CPD: variants seen among roughly 807,000 people sequenced by gnomAD.
CPD encodes the protein metallocarboxypeptidase D.
CPD carries 69 observed loss-of-function variants against 138.3 expected under a neutral mutation model. That is an observed-to-expected ratio of 0.50 (90% CI 0.41 to 0.61). The LOEUF is 0.61. CPD is among the 20% of genes least tolerant of loss of function. CPD has a pLI of 0.00. For synonymous variants in CPD, 651 were observed against 642.1 expected (o/e 1.01, Z -0.21); for missense variants, 1,432 against 1,733.3 (o/e 0.83, Z 3.09).
At chr17:30,402,369 C>T (rs149591511) in intron 2 of CPD, among the ~76,000 whole-genome samples, 52 of 152,218 alleles carry the variant, frequency 3.4e-4, no homozygotes, top group Middle Eastern at 6.8e-3. Flanking sequence ...AGTTTGAGAC[C>T]AGCCTGGCCA....
chr17:30,464,690 A>G lies in CPD; in HGVS notation c.4019A>G (p.His1340Arg), dbSNP rs1246758771. The stretch of plus-strand genomic sequence containing the variant: ...GATGGCTTTCATCGGCTCAGGCAGC[A>G]TCATGATGAGTATGAAGATGAAATT... ...HKDGFHRLRQHHDEYEDEIRM... is the reference protein window; with the variant it reads ...HKDGFHRLRQRHDEYEDEIRM... The change falls in exon 21 of 21, where the codon CAT becomes CGT. Residue 1340 changes from histidine (H) to arginine (R), a missense_variant. Transcript: ENST00000225719. 2.5e-6 allele frequency: 4 copies of G among 1,614,058 alleles called. No individual in the cohort carries two copies. In the East Asian group the frequency reaches 8.9e-5, roughly 36 times the overall value.
chr17:30,401,306 C>CTCTTCCTCTTCCTCCTCT (rs1567868875), intron 2 of CPD, among the ~76,000 whole-genome samples: 1 of 151,138 alleles, frequency 6.6e-6, no homozygotes, highest in Admixed American at 6.6e-5. Context: ...CCTCTTACTC[C>CTCTTCCTCTTCCTCCTCT]TCTTCCTCTT....
At chr17:30,403,009 G>A (rs574343280) in intron 2 of CPD, among the ~76,000 whole-genome samples, 6 of 152,266 alleles carry the variant, frequency 3.9e-5, no homozygotes, top group Non-Finnish European at 7.4e-5. Flanking sequence ...AGGAGGCTGA[G>A]GCAGGAGAAT....
chr17:30,444,157 AG>A, intron 11 of CPD, 186 bp downstream of exon 11: 1 of 466,770 alleles, frequency 2.1e-6, no homozygotes, highest in Non-Finnish European at 3.8e-6. Flanking sequence ...AAAAAAAAAA[AG>A]GAAAGATTCC....
At chr17:30,380,291 C>T (rs751890060) in intron 1 of CPD, 40 of 194,244 alleles carry the variant, frequency 2.1e-4, no homozygotes, top group Non-Finnish European at 4.1e-5. Context: ...CTCTTAGCCA[C>T]GGAGGGACAC....
chr17:30,403,980 T>C (rs1228420890), intron 2 of CPD, among the ~76,000 whole-genome samples: 1 of 152,132 alleles, frequency 6.6e-6, no homozygotes, highest in Non-Finnish European at 1.5e-5. Flanking sequence ...CTCAAAAGCA[T>C]TATGCTAAGT....
rs1432032160 is a variant in CPD at position 30,378,943 on chromosome 17, C to G, written c.-38C>G. ...GCCCCCGCCGCCCGGAGCGCTGAGC[C>G]GCGGGAGCGGAGCCGGGGTTAGCGG... On this transcript the variant is annotated 5_prime_UTR_variant, in exon 1 of 21. Coordinates refer to ENST00000225719, the MANE Select transcript of CPD (RefSeq NM_001304.5). 1 of 1,420,346 alleles carries G rather than the reference C, an allele frequency of 7.0e-7. No homozygotes were observed. The highest frequency in any genetic ancestry group is 9.1e-7 in the Non-Finnish European group (1 of 1,101,344). The allele number at this position is 1,420,346 out of a possible 1,614,324, so 88.0% of individuals were successfully genotyped here. A position where few individuals can be genotyped will look rare whatever the true frequency, so the allele number is the denominator to read the frequency against.
rs993986660 is a variant in CPD, at chr17:30,431,836, A to G, written c.2082A>G (p.Ser694=). The change falls in exon 8 of 21, where the codon TCA becomes TCG. Residue 694 remains serine (S), a synonymous_variant. Transcript: ENST00000225719. ...AAGGACTTGCCACATATAGTAAATCACCAGATGATGCTGTGTTCCAACAAA... is the reference window on the plus strand; with the variant it reads ...AAGGACTTGCCACATATAGTAAATCGCCAGATGATGCTGTGTTCCAACAAA... The part of the protein sequence containing the change: ...DEQGLATYSK[S]PDDAVFQQIA... The G allele has an allele frequency of 6.2e-7, 1 of 1,613,010 alleles. No homozygotes were observed. Among genetic ancestry groups the G allele is most frequent in the Non-Finnish European group, 8.5e-7 (1 of 1,179,514 alleles).
chr17:30,425,506 A>G (rs868321641), intron 6 of CPD, among the ~76,000 whole-genome samples: 2 of 151,948 alleles, frequency 1.3e-5, no homozygotes, highest in Admixed American at 6.6e-5. Context: ...AATACAAAAA[A>G]TTAGCTGGAC....
rs181949706 is a variant in CPD, at chr17:30,420,843, G to A, written c.997G>A (p.Gly333Ser). 5 of 1,607,618 alleles carry A rather than the reference G, an allele frequency of 3.1e-6. No individual in the cohort carries two copies. The Admixed American group carries it at 5.0e-5, about 16-fold the overall frequency. Residue 333 changes from glycine (G) to serine (S), a missense_variant and splice_region_variant, in exon 3 of 21, where the codon GGT becomes AGT. Gly to Ser is a moderately conservative substitution (Grantham distance 56). Coordinates refer to ENST00000225719, the MANE Select transcript of CPD (RefSeq NM_001304.5). ...AACTTATTTTTTCTATGTTACAGGT[G>A]GTATGCAAGATTACAATTATGTGTG... Reference protein sequence around the residue: ...NGAHWYDVEGGMQDYNYVWAN... With the variant: ...NGAHWYDVEGSMQDYNYVWAN...
In CPD at chr17:30,379,462, G is replaced by A; in HGVS notation, c.482G>A (p.Arg161His). Residue 161 changes from arginine (R) to histidine (H), a missense_variant, in exon 1 of 21, where the codon CGC (arginine) becomes CAC (histidine). Arg to His is a conservative substitution (Grantham distance 29). Transcript: ENST00000225719. This position sits in a 1 kb window ranked among gnomAD's most constrained non-coding sequence, Gnocchi z 7.0. ...GCCCGCGAGCTGGCGGCCGGCTACC[G>A]CCGCGGGGACCCGCGCCTGGTCCGC... ...YLARELAAGY[R>H]RGDPRLVRLL... The A allele has an allele frequency of 2.5e-6, 4 of 1,572,358 alleles. No individual in the cohort carries two copies. The highest frequency in any genetic ancestry group is 2.3e-5 in the South Asian group (2 of 87,798).
In CPD at chr17:30,469,085, G is replaced by A. The variant is rs1376804239; in HGVS notation, c.*4271G>A. The A allele has an allele frequency of 1.3e-5, 2 of 152,140 alleles. No individual in the cohort carries two copies. The highest frequency in any genetic ancestry group is 4.8e-5 in the African/African-American group (2 of 41,422). The allele number at this position is 152,140 out of a possible 1,614,324, so 9.4% of individuals were successfully genotyped here. On this transcript the variant is annotated 3_prime_UTR_variant, in exon 21 of 21. Coordinates refer to ENST00000225719, the MANE Select transcript of CPD (RefSeq NM_001304.5). ...GTCCCGGCACTTTTAGGCACAGCAA[G>A]GATGAATTCAATATCCCCTTTTCAC...
At chr17:30,409,071 G>A (rs1038910240) in intron 2 of CPD, among the ~76,000 whole-genome samples, 19 of 152,150 alleles carry the variant, frequency 1.2e-4, no homozygotes, top group East Asian at 3.9e-4. Flanking sequence ...ATGAAGGGCT[G>A]TTGAATTTTG....
intron 2 of CPD, among the ~76,000 whole-genome samples, chr17:30,398,864 A>G (rs1339397426): frequency 6.6e-6 from 1 of 150,910 alleles, no homozygotes; most frequent in Non-Finnish European, 1.5e-5. Context: ...TTTTTTAAAT[A>G]ATTAAAAAAA....
chr17:30,416,319 C>T (rs958205545), intron 2 of CPD, among the ~76,000 whole-genome samples: 1 of 151,932 alleles, frequency 6.6e-6, no homozygotes, highest in Non-Finnish European at 1.5e-5. Context: ...GCAACAAGAG[C>T]GAAAGTCCGT....
rs182361716 is a variant in CPD, at chr17:30,461,454, T to G, written c.3630+143T>G. The G allele has an allele frequency of 6.4e-4, 364 of 568,744 alleles. 1 individual carries two copies. Among genetic ancestry groups the G allele is most frequent in the Non-Finnish European group, 8.0e-4 (311 of 388,594 alleles). 35.2% of individuals were successfully genotyped at this position (568,744 alleles called of 1,614,324 possible). ...AGAAGAGTTTTGGTCATTTTATGTTTCCTAAATAGATGCCATTTATTCACA... is the reference window on the plus strand; with the variant it reads ...AGAAGAGTTTTGGTCATTTTATGTTGCCTAAATAGATGCCATTTATTCACA... On this transcript the variant is annotated intron_variant, in intron 18 of 20. Coordinates refer to ENST00000225719, the MANE Select transcript of CPD (RefSeq NM_001304.5).
chr17:30,442,787 A>G (rs2143468261), intron 10 of CPD, among the ~76,000 whole-genome samples: 1 of 152,332 alleles, frequency 6.6e-6, no homozygotes, highest in Middle Eastern at 3.4e-3. Flanking sequence ...GCCAAGTGAT[A>G]GAAAGATGGG....
intron 13 of CPD, among the ~76,000 whole-genome samples, chr17:30,451,201 T>C (rs1209708604): frequency 6.6e-6 from 1 of 152,200 alleles, no homozygotes; most frequent in East Asian, 1.9e-4. Flanking sequence ...AGTGCAGTTC[T>C]GCCTCCCCAA....
chr17:30,410,250 A>G (rs774790650), intron 2 of CPD, among the ~76,000 whole-genome samples: 3 of 151,982 alleles, frequency 2.0e-5, no homozygotes, highest in Admixed American at 1.3e-4. Flanking sequence ...GTTCTTTTAT[A>G]TTTGTTGAGG....
Sources: gnomAD v4.1 joint callset for allele counts (sites outside exome capture counted in the v4.1 genomes callset) on GRCh38, gnomAD v4.1.1 for gene constraint, Gnocchi (gnomAD v3.1) non-coding constraint, MANE v1.5 for transcripts, NCBI Gene and HGNC (gene_info 2026-07-23, HGNC 2026-07-21) for gene names.